PARD6G: variants seen among roughly 807,000 people sequenced by gnomAD.
PARD6G encodes par-6 family cell polarity regulator gamma, also known as partitioning defective 6 homolog gamma.
A neutral mutation model predicts 10.7 loss-of-function variants in PARD6G; 7 were observed. The ratio of observed to expected loss-of-function variants is 0.66; its 90% CI spans 0.37 to 1.23. The LOEUF (loss-of-function observed/expected upper bound fraction) is 1.23. PARD6G is among the 50% of genes most tolerant of loss of function. The pLI is 0.02. For synonymous variants in PARD6G, 287 were observed against 269.4 expected (o/e 1.07, Z -0.64); for missense variants, 548 against 571.8 (o/e 0.96, Z 0.42).
chr18:80,213,120 G>A (rs1385020550), intron 1 of PARD6G, among the ~76,000 whole-genome samples: 1 of 152,156 alleles, frequency 6.6e-6, no homozygotes, highest in Non-Finnish European at 1.5e-5. Flanking sequence ...ACCTATCGAT[G>A]ATAAGTGAGG....
intron 1 of PARD6G, among the ~76,000 whole-genome samples, chr18:80,214,921 C>T (rs1054907610): frequency 3.3e-5 from 5 of 151,602 alleles, no homozygotes; most frequent in Admixed American, 2.6e-4. Flanking sequence ...ACATCACATG[C>T]AAACTGCCAA....
chr18:80,160,220 T>G lies in PARD6G; in HGVS notation c.682A>C (p.Thr228Pro). ...EVNGIEVAGKTLDQVTDMMIA... is the reference protein window; with the variant it reads ...EVNGIEVAGKPLDQVTDMMIA... Reference sequence around the variant, plus strand: ...ATCATGTCCGTGACCTGGTCCAGCGTCTTCCCGGCCACCTCAATGCCGTTC... The same window carrying G: ...ATCATGTCCGTGACCTGGTCCAGCGGCTTCCCGGCCACCTCAATGCCGTTC... The change falls in exon 3 of 3, where the codon ACG (threonine) becomes CCG (proline). Residue 228 changes from threonine (T) to proline (P), a missense_variant. Thr to Pro is a conservative substitution (Grantham distance 38). Coordinates refer to ENST00000353265, the MANE Select transcript of PARD6G (RefSeq NM_032510.4). 1.2e-6 allele frequency: 2 copies of G among 1,613,066 alleles called. No individual in the cohort carries two copies. Among genetic ancestry groups the G allele is most frequent in the Non-Finnish European group, 1.7e-6 (2 of 1,179,832 alleles).
intron 2 of PARD6G, among the ~76,000 whole-genome samples, chr18:80,168,072 G>A (rs532154808): frequency 6.6e-6 from 1 of 152,246 alleles, no homozygotes; most frequent in African/African-American, 2.4e-5. Flanking sequence ...TTGAAGAGAT[G>A]GGCCGGCCGT....
In PARD6G at chr18:80,228,735, C is replaced by T. The variant is rs1461287681; in HGVS notation, c.72+18542G>A. 6.6e-6 allele frequency among the ~76,000 whole-genome samples: 1 copy of T among 150,608 alleles called. No homozygotes were observed. The highest frequency in any genetic ancestry group is 2.4e-5 in the African/African-American group (1 of 40,844). ...CCACCAAAGACCTGCCTCACACCCCCAGGGGCCTGCCTCCCATCTAAGGCC... is the reference window on the plus strand; with the variant it reads ...CCACCAAAGACCTGCCTCACACCCCTAGGGGCCTGCCTCCCATCTAAGGCC... On this transcript the variant is annotated intron_variant, in intron 1 of 2. Transcript: ENST00000353265. The surrounding 1 kb of genome is among the most constrained non-coding windows in gnomAD (Gnocchi z 4.6).
intron 1 of PARD6G, among the ~76,000 whole-genome samples, chr18:80,224,974 C>G (rs1246692097): frequency 6.6e-6 from 1 of 152,154 alleles, no homozygotes; most frequent in Non-Finnish European, 1.5e-5. Context: ...CTGACTCTGG[C>G]CCAGTGCTCC....
At chr18:80,209,519 A>G (rs1158205116) in intron 1 of PARD6G, among the ~76,000 whole-genome samples, 1 of 152,252 alleles carries the variant, frequency 6.6e-6, no homozygotes, top group African/African-American at 2.4e-5. Flanking sequence ...GCAAAAGCGT[A>G]TCAGCATCTG....
intron 1 of PARD6G, among the ~76,000 whole-genome samples, chr18:80,242,110 A>C (rs563881752): frequency 1.2e-4 from 18 of 152,266 alleles, no homozygotes; most frequent in Middle Eastern, 6.8e-3. Flanking sequence ...ACAGACCTAC[A>C]AGAAATTGGC....
chr18:80,195,925 C>A (rs1966952661), intron 2 of PARD6G, among the ~76,000 whole-genome samples: 1 of 150,192 alleles, frequency 6.7e-6, no homozygotes, highest in Non-Finnish European at 1.5e-5. Context: ...AGAACCAATT[C>A]AAACGTTACT....
In PARD6G at chr18:80,157,869, C is replaced by T. The variant is rs1040242403; in HGVS notation, c.*1902G>A. The T allele has an allele frequency of 6.6e-6, 1 of 152,248 alleles. No homozygotes were observed. The highest frequency in any genetic ancestry group is 2.4e-5 in the African/African-American group (1 of 41,428). The allele number at this position is 152,248 out of a possible 1,614,324, so 9.4% of individuals were successfully genotyped here. On this transcript the variant is annotated 3_prime_UTR_variant, in exon 3 of 3. Transcript: ENST00000353265. ...CAGAAAAAATGAAAATGCTGAGATG[C>T]AGTTTTCCCTCTTAGCAGTTCCATG...
At position 80,204,838 on chromosome 18, in the gene PARD6G, C is replaced by A. The variant is rs1967040594; in HGVS notation, c.73-1906G>T. 3.3e-5 allele frequency among the ~76,000 whole-genome samples: 5 copies of A among 152,118 alleles called. No individual in the cohort carries two copies. The South Asian group carries it at 1.0e-3, about 32-fold the overall frequency. On this transcript the variant is annotated intron_variant, in intron 1 of 2. Transcript: ENST00000353265. ...TGGTGGCACACACCAGTAATCCCAGCAATCTCAGGAGTCTGAGGCAGGAGA... is the reference window on the plus strand; with the variant it reads ...TGGTGGCACACACCAGTAATCCCAGAAATCTCAGGAGTCTGAGGCAGGAGA...
At chr18:80,238,593 G>A (rs1297184936) in intron 1 of PARD6G, among the ~76,000 whole-genome samples, 3 of 152,006 alleles carry the variant, frequency 2.0e-5, no homozygotes, top group Admixed American at 2.0e-4. Context: ...TTACCTCGGG[G>A]GTAGGTACTC....
chr18:80,185,595 G>A (rs2052869753), intron 2 of PARD6G, among the ~76,000 whole-genome samples: 1 of 151,848 alleles, frequency 6.6e-6, no homozygotes, highest in Non-Finnish European at 1.5e-5. Context: ...TGGAACACAA[G>A]GGACACGCAC....
intron 2 of PARD6G, among the ~76,000 whole-genome samples, chr18:80,168,438 T>C (rs900482780): frequency 2.0e-5 from 3 of 152,064 alleles, no homozygotes; most frequent in African/African-American, 4.8e-5. Flanking sequence ...AAGAAAAAAA[T>C]TGTCACTGCT....
chr18:80,179,744 G>A (rs1206304952), intron 2 of PARD6G, among the ~76,000 whole-genome samples: 1 of 152,280 alleles, frequency 6.6e-6, no homozygotes, highest in Non-Finnish European at 1.5e-5. Flanking sequence ...GGATGCCCAT[G>A]CCATGGGTTC....
At chr18:80,193,732 C>T (rs990420846) in intron 2 of PARD6G, among the ~76,000 whole-genome samples, 3 of 152,202 alleles carry the variant, frequency 2.0e-5, no homozygotes, top group East Asian at 1.9e-4. Context: ...CTCCACCCAG[C>T]ATGTGGCTCC....
chr18:80,202,803 G>C lies in PARD6G; in HGVS notation c.202C>G (p.His68Asp). The change falls in exon 2 of 3, where the codon CAC (histidine) becomes GAC (aspartate). Residue 68 changes from histidine to aspartate, a missense_variant. This residue lies in a region of PARD6G where 235 missense variants were observed against 291.9 expected (regional missense o/e 0.81). Coordinates refer to ENST00000353265, the MANE Select transcript of PARD6G (RefSeq NM_032510.4). ...SDVTIGYADV[H>D]GDLLPINNDD... is the part of the protein sequence containing the mutation. ...TTGTTGATGGGCAGCAGGTCTCCGT[G>C]CACATCTGCATAGCCAATAGTTACA... 6.2e-7 allele frequency: 1 copy of C among 1,614,056 alleles called. No individual in the cohort carries two copies. Among genetic ancestry groups the C allele is most frequent in the Non-Finnish European group, 8.5e-7 (1 of 1,180,004 alleles).
intron 1 of PARD6G, among the ~76,000 whole-genome samples, chr18:80,215,773 T>TGAC (rs1967158655): frequency 6.6e-6 from 1 of 152,086 alleles, no homozygotes; most frequent in Admixed American, 6.5e-5. Context: ...ATGTCAGTAA[T>TGAC]TAAATGTAAA....
intron 2 of PARD6G, among the ~76,000 whole-genome samples, chr18:80,190,513 C>G (rs1966888764): frequency 6.6e-6 from 1 of 152,184 alleles, no homozygotes; most frequent in Non-Finnish European, 1.5e-5. Flanking sequence ...CGCCTGAGCA[C>G]ACAGCTGCTT....
At chr18:80,164,185 C>A (rs554254667) in intron 2 of PARD6G, among the ~76,000 whole-genome samples, 138 of 152,348 alleles carry the variant, frequency 9.1e-4, no homozygotes, top group African/African-American at 3.2e-3. Flanking sequence ...GGGTGCCCAA[C>A]AGCCCCTGGC....
Sources: gnomAD v4.1 joint callset for allele counts (sites outside exome capture counted in the v4.1 genomes callset) on GRCh38, gnomAD v4.1.1 for gene constraint, gnomAD v4.1.1 regional missense constraint, Gnocchi (gnomAD v3.1) non-coding constraint, MANE v1.5 for transcripts, NCBI Gene and HGNC (gene_info 2026-07-23, HGNC 2026-07-21) for gene names.